GBE1: variants seen among roughly 807,000 people sequenced by gnomAD.
The protein encoded by GBE1 is 1,4-alpha-glucan-branching enzyme.
In GBE1, 70 loss-of-function variants were observed where a neutral mutation model predicts 88.8. The ratio of observed to expected loss-of-function variants is 0.79; its 90% CI spans 0.65 to 0.96. GBE1 has a LOEUF of 0.96. Ranked by LOEUF, GBE1 falls within the 40% of genes least tolerant of loss-of-function variation. The pLI is 0.00. For synonymous variants in GBE1, 284 were observed against 300.1 expected, an observed-to-expected ratio of 0.95 and a Z score of 0.56; for missense variants, 872 against 871.0, an observed-to-expected ratio of 1.00 and a Z score of -0.01.
chr3:81,705,680 T>C (rs907541335), intron 1 of GBE1, 67 bp from the exon 2 acceptor site: 7 of 1,027,632 alleles, frequency 6.8e-6, no homozygotes, highest in Non-Finnish European at 9.7e-6. Flanking sequence ...CTACTGTAAT[T>C]AAGTAACTGC....
At chr3:81,496,118 G>A (rs949488654) in intron 15 of GBE1, among the ~76,000 whole-genome samples, 6 of 152,142 alleles carry the variant, frequency 3.9e-5, no homozygotes, top group African/African-American at 9.7e-5. Flanking sequence ...ATTAAGTTCC[G>A]GTATCAGGAA....
chr3:81,659,930 A>C (rs556011551), intron 3 of GBE1, among the ~76,000 whole-genome samples: 3 of 152,296 alleles, frequency 2.0e-5, no homozygotes, highest in African/African-American at 7.2e-5. Context: ...TTACAAATTA[A>C]GGTCTCACAG....
At chr3:81,490,868 GT>G (rs536260661) in intron 15 of GBE1, among the ~76,000 whole-genome samples, 102 of 146,350 alleles carry the variant, frequency 7.0e-4, no homozygotes, top group African/African-American at 1.8e-3. Flanking sequence ...TTTTAATCTT[GT>G]TTTTTTTTTT....
intron 7 of GBE1, among the ~76,000 whole-genome samples, chr3:81,619,503 T>C (rs1279617248): frequency 6.6e-6 from 1 of 152,144 alleles, no homozygotes; most frequent in Non-Finnish European, 1.5e-5. Flanking sequence ...AGTGTATATG[T>C]CCACATTTGC....
intron 13 of GBE1, among the ~76,000 whole-genome samples, chr3:81,536,276 GTATAAAGTAAATGGATTA>G (rs1191603643): frequency 6.6e-6 from 1 of 151,662 alleles, no homozygotes; most frequent in Non-Finnish European, 1.5e-5. Flanking sequence ...AACAGCCCCA[GTATAAAGTAAATGGATTA>G]TAACGAAGAC....
At chr3:81,604,282 CTTTCTTTTTTTT>C (rs1345722481) in intron 7 of GBE1, among the ~76,000 whole-genome samples, 1 of 112,616 alleles carries the variant, frequency 8.9e-6, no homozygotes, top group Non-Finnish European at 1.7e-5. Context: ...TCTTTTCTTT[CTTTCTTTTTTTT>C]TTTTTTTTTT....
chr3:81,586,929 C>T (rs1472340354), intron 9 of GBE1, among the ~76,000 whole-genome samples: 1 of 152,016 alleles, frequency 6.6e-6, no homozygotes, highest in Non-Finnish European at 1.5e-5. Context: ...GCTGGGATTA[C>T]AGATGTCCAC....
intron 7 of GBE1, among the ~76,000 whole-genome samples, chr3:81,616,455 C>T (rs1009232762): frequency 7.9e-5 from 12 of 152,086 alleles, no homozygotes; most frequent in Non-Finnish European, 1.6e-4. Context: ...GTTGAAAAGT[C>T]TATCATTCCT....
intron 1 of GBE1, among the ~76,000 whole-genome samples, chr3:81,723,244 TAAATA>T (rs1706060233): frequency 6.7e-6 from 1 of 149,026 alleles, no homozygotes. Context: ...TCCTTGGTAT[TAAATA>T]AAAGTTGTTT....
chr3:81,742,265 C>A (rs1706359776), intron 1 of GBE1, among the ~76,000 whole-genome samples: 6 of 152,042 alleles, frequency 3.9e-5, no homozygotes, highest in African/African-American at 1.4e-4. Flanking sequence ...AATTTGCTAC[C>A]TACTAAATGA....
intron 12 of GBE1, among the ~76,000 whole-genome samples, chr3:81,554,590 C>T (rs1234260097): frequency 6.6e-6 from 1 of 152,106 alleles, no homozygotes; most frequent in African/African-American, 2.4e-5. Flanking sequence ...TAACAAACTT[C>T]CCTAGTCAAT....
Position 81,592,041 on chromosome 3 carries a change from A to C in GBE1, c.1109-877T>G, listed in dbSNP as rs185503781. Among the ~76,000 whole-genome samples, 123 of 152,238 alleles carry C rather than the reference A, an allele frequency of 8.1e-4. 1 individual carries two copies. Among genetic ancestry groups the C allele is most frequent in the South Asian group, 1.5e-3 (7 of 4,824 alleles). ...GACAAATAAAAATTGCATATATTCA[A>C]GGTTTCCAAGGTACTGATTTGATAT... On this transcript the variant is annotated intron_variant, in intron 8 of 15. Transcript: ENST00000429644.
chr3:81,589,384 T>C (rs951697212), intron 9 of GBE1, among the ~76,000 whole-genome samples: 1 of 144,472 alleles, frequency 6.9e-6, no homozygotes, highest in African/African-American at 2.5e-5. Flanking sequence ...TTCCTTTTCT[T>C]AAAAAAAAAA....
intron 1 of GBE1, among the ~76,000 whole-genome samples, chr3:81,750,250 CTG>C (rs978128709): frequency 6.6e-6 from 1 of 151,778 alleles, no homozygotes; most frequent in Admixed American, 6.6e-5. Context: ...ACCATGAAGA[CTG>C]ATAGTTACAC....
intron 3 of GBE1, among the ~76,000 whole-genome samples, chr3:81,665,916 A>T (rs955440348): frequency 1.2e-4 from 18 of 152,208 alleles, no homozygotes; most frequent in Non-Finnish European, 2.2e-4. Context: ...TTATAAAATT[A>T]TGTTAGCTAT....
At chr3:81,524,848 T>C (rs1702922638) in intron 14 of GBE1, among the ~76,000 whole-genome samples, 1 of 151,954 alleles carries the variant, frequency 6.6e-6, no homozygotes, top group Non-Finnish European at 1.5e-5. Context: ...ATGTGATTGT[T>C]CCAGTTTTGT....
At chr3:81,543,554 C>T (rs1252353765) in intron 12 of GBE1, among the ~76,000 whole-genome samples, 1 of 152,032 alleles carries the variant, frequency 6.6e-6, no homozygotes, top group African/African-American at 2.4e-5. Context: ...TAGTATCTTC[C>T]ACTAGCTCAA....
chr3:81,720,896 T>G (rs1436116171), intron 1 of GBE1, among the ~76,000 whole-genome samples: 1 of 143,272 alleles, frequency 7.0e-6, no homozygotes, highest in African/African-American at 2.7e-5. Flanking sequence ...TTCATATCCT[T>G]TGTAGGGACA....
chr3:81,700,854 T>A (rs919816779), intron 2 of GBE1, among the ~76,000 whole-genome samples: 1 of 152,154 alleles, frequency 6.6e-6, no homozygotes, highest in African/African-American at 2.4e-5. Context: ...GATAGACATT[T>A]AGGTTATTTG....
Sources: gnomAD v4.1 joint callset for allele counts (sites outside exome capture counted in the v4.1 genomes callset) on GRCh38, gnomAD v4.1.1 for gene constraint, MANE v1.5 for transcripts, NCBI Gene and HGNC (gene_info 2026-07-23, HGNC 2026-07-21) for gene names.